MTA3: variants seen among roughly 807,000 people sequenced by gnomAD.
MTA3 encodes metastasis-associated protein MTA3.
In MTA3, 34 loss-of-function variants were observed where a neutral mutation model predicts 83.5. The ratio of observed to expected loss-of-function variants is 0.41; its 90% CI spans 0.31 to 0.54. The LOEUF is 0.54. MTA3 is among the 20% of genes least tolerant of loss of function. The pLI is 0.33. For missense variants in MTA3, 761 were observed against 726.4 expected (o/e 1.05, Z -0.55); for synonymous variants, 303 against 252.7 (o/e 1.20, Z -1.89).
chr2:42,678,326 T>C (rs1691566573), intron 8 of MTA3, among the ~76,000 whole-genome samples: 1 of 152,084 alleles, frequency 6.6e-6, no homozygotes, highest in African/African-American at 2.4e-5. Flanking sequence ...AAGCCAATGA[T>C]TTATTTTTAT....
chr2:42,510,400 C>T (rs903705199), intron 2 of MTA3, among the ~76,000 whole-genome samples: 1 of 151,728 alleles, frequency 6.6e-6, no homozygotes, highest in Non-Finnish European at 1.5e-5. Context: ...ATTCCTTACT[C>T]AGCAGATGCT....
chr2:42,710,999 A>G (rs1217563610), intron 14 of MTA3, among the ~76,000 whole-genome samples: 3 of 152,160 alleles, frequency 2.0e-5, no homozygotes, highest in Admixed American at 2.0e-4. Flanking sequence ...GAATCACTTG[A>G]ACCTGGGAGG....
chr2:42,641,017 A>T (rs549780871), intron 5 of MTA3, among the ~76,000 whole-genome samples: 1 of 152,070 alleles, frequency 6.6e-6, no homozygotes, highest in South Asian at 2.1e-4. Flanking sequence ...AGCAATTCTC[A>T]TGCTTCAGCC....
intron 16 of MTA3, among the ~76,000 whole-genome samples, chr2:42,736,651 A>G (rs1352443916): frequency 2.0e-5 from 3 of 151,990 alleles, no homozygotes; most frequent in Non-Finnish European, 1.5e-5. Flanking sequence ...TTGTAAGACA[A>G]AGTCTTCTTA....
At chr2:42,569,338 A>T (rs1678206175) in intron 1 of MTA3, 1 of 152,220 alleles carries the variant, frequency 6.6e-6, no homozygotes, top group African/African-American at 2.4e-5. Flanking sequence ...GCTTCGTGGG[A>T]GCTGGGAACC....
intron 16 of MTA3, among the ~76,000 whole-genome samples, chr2:42,734,062 T>C (rs1668431461): frequency 6.6e-6 from 1 of 152,228 alleles, no homozygotes; most frequent in Non-Finnish European, 1.5e-5. Context: ...CAGTGCAGAT[T>C]AAGTCCTAGG....
intron 2 of MTA3, among the ~76,000 whole-genome samples, chr2:42,578,599 G>A (rs1462699545): frequency 6.6e-6 from 1 of 152,216 alleles, no homozygotes; most frequent in East Asian, 1.9e-4. Flanking sequence ...CACCTGCAGA[G>A]CTTCACTGTC....
chr2:42,743,403 G>C (rs141458934), intron 16 of MTA3, among the ~76,000 whole-genome samples: 1 of 152,254 alleles, frequency 6.6e-6, no homozygotes, highest in East Asian at 1.9e-4. Flanking sequence ...TTTTGTCTCA[G>C]GGGTACTGAA....
chr2:42,644,677 G>A (rs1261291595), intron 6 of MTA3, among the ~76,000 whole-genome samples: 2 of 152,090 alleles, frequency 1.3e-5, no homozygotes, highest in African/African-American at 4.8e-5. Context: ...GTGTCTCTGT[G>A]TCAAATTTTG....
At chr2:42,606,659 C>T (rs1198802789) in intron 3 of MTA3, among the ~76,000 whole-genome samples, 3 of 151,070 alleles carry the variant, frequency 2.0e-5, no homozygotes, top group East Asian at 3.9e-4. Flanking sequence ...AGAGACACTC[C>T]TCACTTCCCA....
At chr2:42,532,775 A>T in intron 2 of MTA3, 1 of 321,178 alleles carries the variant, frequency 3.1e-6, no homozygotes. Flanking sequence ...GCATGAACTC[A>T]TAGGGAATGG....
At chr2:42,539,154 C>T (rs746548300) in intron 2 of MTA3, among the ~76,000 whole-genome samples, 2 of 152,068 alleles carry the variant, frequency 1.3e-5, no homozygotes, top group African/African-American at 4.8e-5. Context: ...AGGTTAGTTC[C>T]TTAGTTTGTC....
intron 14 of MTA3, among the ~76,000 whole-genome samples, chr2:42,715,182 A>G (rs1044060984): frequency 4.6e-5 from 7 of 152,168 alleles, no homozygotes; most frequent in African/African-American, 1.2e-4. Flanking sequence ...CTGTCTGACA[A>G]GTGGCAGCAT....
chr2:42,565,902 G>C (rs912952759), upstream of MTA3, among the ~76,000 whole-genome samples: 2 of 152,110 alleles, frequency 1.3e-5, no homozygotes, highest in Non-Finnish European at 2.9e-5. Context: ...TGCTTGGGAG[G>C]CTGAGGCAGG....
chr2:42,749,049 C>A (rs976992541), intron 16 of MTA3, among the ~76,000 whole-genome samples: 1 of 152,364 alleles, frequency 6.6e-6, no homozygotes, highest in Middle Eastern at 3.4e-3. Context: ...AGTCACTGCT[C>A]GGCTCCTTGA....
chr2:42,731,617 A>T (rs1461508135), intron 16 of MTA3, among the ~76,000 whole-genome samples: 1 of 152,186 alleles, frequency 6.6e-6, no homozygotes. Context: ...ACACATGGGA[A>T]TTCTGGGAGA....
intron 2 of MTA3, among the ~76,000 whole-genome samples, chr2:42,558,238 CTTTT>C (rs777256051): frequency 7.9e-6 from 1 of 125,932 alleles, no homozygotes. Flanking sequence ...CACCTGAGGA[CTTTT>C]TTTTTTTTTT....
rs1676296376 is a variant in MTA3 at position 42,537,454 on chromosome 2, A to G, written c.-140-32983A>G. Among the ~76,000 whole-genome samples, 4 of 151,850 alleles carry G rather than the reference A, an allele frequency of 2.6e-5. No homozygotes were observed. The South Asian group carries it at 8.3e-4, about 32-fold the overall frequency. On this transcript the variant is annotated intron_variant, in intron 2 of 17. Coordinates refer to the MTA3 transcript ENST00000405592. ...GTGGTGGGTGCCTGTAATCCCCACT[A>G]CTCGGGAGGCTGAGACAGGAGAATC...
In MTA3 at chr2:42,707,939, C is replaced by G; in HGVS notation, c.1187C>G (p.Pro396Arg). Reference protein sequence around the residue: ...QSHQWYSWGPPNMQCRLCAIC... With the variant: ...QSHQWYSWGPRNMQCRLCAIC... ...CACCAGTGGTATTCTTGGGGCCCACCTAATATGCAGTGTAGATTATGTGCA... is the reference window on the plus strand; with the variant it reads ...CACCAGTGGTATTCTTGGGGCCCACGTAATATGCAGTGTAGATTATGTGCA... Residue 396 changes from proline (P) to arginine (R), a missense_variant, in exon 13 of 17, where the codon CCT becomes CGT. Physicochemically the swap from Pro to Arg is moderately radical, Grantham distance 103 (BLOSUM62 -2). Coordinates refer to ENST00000405094, the MANE Select transcript of MTA3 (RefSeq NM_001330442.2). The G allele has an allele frequency of 6.2e-7, 1 of 1,607,590 alleles. No individual in the cohort carries two copies. The highest frequency in any genetic ancestry group is 8.5e-7 in the Non-Finnish European group (1 of 1,178,010).
Sources: allele counts gnomAD v4.1 joint callset (sites outside exome capture counted in the v4.1 genomes callset), GRCh38; gene constraint gnomAD v4.1.1; transcripts MANE v1.5; gene names NCBI Gene and HGNC (gene_info 2026-07-23, HGNC 2026-07-21).